The following DYNLT2 variants were observed in gnomAD, a reference collection of about 807,000 sequenced individuals.
The protein encoded by DYNLT2 is dynein light chain Tctex-type protein 2.
DYNLT2 carries 24 observed loss-of-function variants against 24.3 expected under a neutral mutation model. The observed-to-expected ratio is 0.99, with a 90% CI of 0.71 to 1.39. The LOEUF is 1.39. Among genes scored for constraint, DYNLT2 ranks in the 40% most tolerant of loss-of-function variants. The pLI, the probability that DYNLT2 is intolerant of heterozygous loss-of-function variation, is 0.00. For synonymous variants in DYNLT2, 85 were observed against 85.4 expected, an observed-to-expected ratio of 1.00 and a Z score of 0.03; for missense variants, 246 against 234.5, an observed-to-expected ratio of 1.05 and a Z score of -0.32.
intron 3 of DYNLT2, 21 bp downstream of exon 3, chr6:169,743,059 C>A: frequency 6.7e-7 from 1 of 1,494,066 alleles, no homozygotes; most frequent in Non-Finnish European, 9.0e-7. Context: ...TTGCTAGATC[C>A]TGTATCAATG....
At chr6:169,731,124 A>C in the DYNLT2 span, among the ~76,000 whole-genome samples, 1 of 152,170 alleles carries the variant, frequency 6.6e-6, no homozygotes, top group Non-Finnish European at 1.5e-5. Flanking sequence ...AGGAAAGGCA[A>C]TAATAGAAGA....
intron 3 of DYNLT2, among the ~76,000 whole-genome samples, chr6:169,742,499 T>C (rs535936507): frequency 1.3e-5 from 2 of 152,338 alleles, no homozygotes; most frequent in South Asian, 4.1e-4. Flanking sequence ...AAAATAAATT[T>C]ACTGGTTAAC....
downstream of DYNLT2, among the ~76,000 whole-genome samples, chr6:169,738,513 TCCC>T (rs1289552427): frequency 6.6e-6 from 1 of 152,072 alleles, no homozygotes; most frequent in African/African-American, 2.4e-5. Context: ...ACTCACCACC[TCCC>T]CTGGCTTGGG....
At chr6:169,725,176 A>C in the DYNLT2 span, 3 of 398,734 alleles carry the variant, frequency 7.5e-6, no homozygotes, top group Admixed American at 4.4e-5. Context: ...TGAGGAGCCA[A>C]GCCTGGGTCC....
At chr6:169,726,045 T>C in the DYNLT2 span, among the ~76,000 whole-genome samples, 1 of 152,366 alleles carries the variant, frequency 6.6e-6, no homozygotes, top group Non-Finnish European at 1.5e-5. Context: ...TATGACACCA[T>C]ATTCTACATT....
downstream of DYNLT2, among the ~76,000 whole-genome samples, chr6:169,737,908 G>A (rs1219892648): frequency 6.6e-6 from 1 of 152,214 alleles, no homozygotes; most frequent in Non-Finnish European, 1.5e-5. Flanking sequence ...ACTACCAGGA[G>A]GAGAGGCTAA....
At chr6:169,728,650 A>T in the DYNLT2 span, among the ~76,000 whole-genome samples, 1 of 152,234 alleles carries the variant, frequency 6.6e-6, no homozygotes, top group East Asian at 1.9e-4. Flanking sequence ...ACGTAGACAT[A>T]TCAGGAATTT....
chr6:169,733,317 T>C, the DYNLT2 span, among the ~76,000 whole-genome samples: 2 of 152,224 alleles, frequency 1.3e-5, no homozygotes, highest in Admixed American at 1.3e-4. Context: ...ATTTTGGCTT[T>C]TGTTGCAATT....
chr6:169,732,933 C>T, the DYNLT2 span, among the ~76,000 whole-genome samples: 3 of 152,274 alleles, frequency 2.0e-5, no homozygotes, highest in South Asian at 2.1e-4. Flanking sequence ...TCTCTACAGC[C>T]TCGCCAGCAT....
the DYNLT2 span, among the ~76,000 whole-genome samples, chr6:169,726,226 C>T: frequency 6.6e-6 from 1 of 152,146 alleles, no homozygotes; most frequent in African/African-American, 2.4e-5. Flanking sequence ...AGATCCCTGC[C>T]TATAGGCAGC....
At chr6:169,730,062 T>C in the DYNLT2 span, among the ~76,000 whole-genome samples, 1 of 152,252 alleles carries the variant, frequency 6.6e-6, no homozygotes, top group Non-Finnish European at 1.5e-5. Flanking sequence ...AAAGTTAATA[T>C]GCAATCATAA....
At chr6:169,730,640 A>T in the DYNLT2 span, among the ~76,000 whole-genome samples, 4 of 152,138 alleles carry the variant, frequency 2.6e-5, no homozygotes, top group Admixed American at 6.5e-5. Flanking sequence ...CACGCCTGTA[A>T]TCCCAGCACT....
chr6:169,730,437 C>A, the DYNLT2 span, among the ~76,000 whole-genome samples: 1 of 152,132 alleles, frequency 6.6e-6, no homozygotes, highest in East Asian at 1.9e-4. Flanking sequence ...ACGCTAACTC[C>A]TGGCTGTAAG....
chr6:169,751,438 G>A lies in DYNLT2; in HGVS notation c.21C>T (p.Gly7=), dbSNP rs1257501569. The A allele has an allele frequency of 1.9e-6, 3 of 1,614,048 alleles. No homozygotes were observed. The Admixed American group carries it at 5.0e-5, about 27-fold the overall frequency. ...GGGTCTGGATGGGGCTCGACTTCAC[G>A]CCTCGGCCTCGCTTCTCCATCTCGC... is the stretch of plus-strand genomic sequence containing the variant. MEKRGR[G]VKSSPIQTPN... The change falls in exon 1 of 4, where the codon GGC becomes GGT. Residue 7 remains glycine (G), a synonymous_variant. Coordinates refer to ENST00000366774, the MANE Select transcript of DYNLT2 (RefSeq NM_174910.3).
the DYNLT2 span, among the ~76,000 whole-genome samples, chr6:169,726,929 C>T: frequency 1.3e-5 from 2 of 151,814 alleles, no homozygotes; most frequent in Non-Finnish European, 2.9e-5. Context: ...TGCAGATATA[C>T]GTGAAAATAA....
intron 1 of DYNLT2, chr6:169,750,562 A>G (rs1402825112): frequency 6.6e-6 from 1 of 152,196 alleles, no homozygotes; most frequent in Non-Finnish European, 1.5e-5. Context: ...TCATCCTATT[A>G]TAGGTCCACG....
At chr6:169,728,437 G>C in the DYNLT2 span, among the ~76,000 whole-genome samples, 1 of 152,148 alleles carries the variant, frequency 6.6e-6, no homozygotes, top group Non-Finnish European at 1.5e-5. Context: ...AGTCTAGAGG[G>C]GTAAAAGGCA....
chr6:169,735,908 T>C (rs1205353362), downstream of DYNLT2, among the ~76,000 whole-genome samples: 37 of 152,212 alleles, frequency 2.4e-4, no homozygotes. Flanking sequence ...ACTATCACTG[T>C]GTGGGAGTCT....
chr6:169,729,014 C>G, the DYNLT2 span, among the ~76,000 whole-genome samples: 1 of 152,166 alleles, frequency 6.6e-6, no homozygotes, highest in Non-Finnish European at 1.5e-5. Flanking sequence ...AATGATGAAA[C>G]CAGAATTTAC....
Sources: gnomAD v4.1 joint callset for allele counts (sites outside exome capture counted in the v4.1 genomes callset) on GRCh38, gnomAD v4.1.1 for gene constraint, MANE v1.5 for transcripts, NCBI Gene and HGNC (gene_info 2026-07-23, HGNC 2026-07-21) for gene names.